FRMD6: variants seen among roughly 807,000 people sequenced by gnomAD.
FRMD6 encodes FERM domain containing 6.
Under a neutral mutation model 73.2 loss-of-function variants are expected in FRMD6, and 37 were observed. The observed-to-expected ratio is 0.51, with a 90% CI of 0.39 to 0.66. The LOEUF (loss-of-function observed/expected upper bound fraction) is 0.66. Ranked by LOEUF, FRMD6 falls within the 30% of genes least tolerant of loss-of-function variation. The pLI is 0.00. For missense variants in FRMD6, 714 were observed against 780.5 expected (o/e 0.91, Z 1.02); for synonymous variants, 273 against 282.2 (o/e 0.97, Z 0.33).
Position 51,688,444 on chromosome 14 carries a change from A to G in FRMD6, c.-146-1247A>G, listed in dbSNP as rs139135238. Among the ~76,000 whole-genome samples, 444 of 152,304 alleles carry G rather than the reference A, an allele frequency of 2.9e-3. 1 individual carries two copies. The highest frequency in any genetic ancestry group is 9.9e-3 in the African/African-American group (412 of 41,574). ...TATTTTCTAAATGTGCCAAGTATCT[A>G]AGAATATATTCTTTCCCCTCCTGCT... On this transcript the variant is annotated intron_variant, in intron 1 of 13. Coordinates refer to ENST00000344768, the MANE Select transcript of FRMD6 (RefSeq NM_001267046.2).
the FRMD6 span, among the ~76,000 whole-genome samples, chr14:51,467,010 C>T: frequency 2.0e-5 from 3 of 151,160 alleles, no homozygotes; most frequent in East Asian, 1.9e-4. Flanking sequence ...GGGTGTTTCT[C>T]GTAGAGGGGG....
intron 2 of FRMD6, among the ~76,000 whole-genome samples, chr14:51,588,927 A>G (rs1039264489): frequency 6.6e-6 from 1 of 152,164 alleles, no homozygotes; most frequent in African/African-American, 2.4e-5. Context: ...CATGTCACTG[A>G]GTGGTGACTG....
chr14:51,650,823 G>A (rs1188055296), upstream of FRMD6: 2 of 152,230 alleles, frequency 1.3e-5, no homozygotes. Flanking sequence ...TTAGCGAAGG[G>A]CTCAGTGAGG....
the FRMD6 span, among the ~76,000 whole-genome samples, chr14:51,476,727 A>C: frequency 6.6e-6 from 1 of 152,248 alleles, no homozygotes; most frequent in Admixed American, 6.5e-5. Context: ...CTTTTTCAGT[A>C]GACATATTTT....
the FRMD6 span, chr14:51,436,358 G>T: frequency 4.8e-6 from 2 of 420,578 alleles, no homozygotes. Context: ...TGTCTGCACT[G>T]CTTGGGGAGG....
chr14:51,527,782 G>C (rs915571035), intron 1 of FRMD6, among the ~76,000 whole-genome samples: 6 of 152,186 alleles, frequency 3.9e-5, no homozygotes, highest in African/African-American at 1.4e-4. Flanking sequence ...GTACCTTTAT[G>C]AGAGACAGAT....
At chr14:51,568,233 G>A (rs1434175414) in intron 1 of FRMD6, among the ~76,000 whole-genome samples, 1 of 152,242 alleles carries the variant, frequency 6.6e-6, no homozygotes, top group Non-Finnish European at 1.5e-5. Context: ...GCCAATTCTT[G>A]TCTGCAGGAA....
intron 2 of FRMD6, among the ~76,000 whole-genome samples, chr14:51,624,340 C>T (rs1248762461): frequency 6.6e-6 from 1 of 152,174 alleles, no homozygotes; most frequent in African/African-American, 2.4e-5. Flanking sequence ...AGAATTTTAT[C>T]TGAAACTTAC....
upstream of FRMD6, chr14:51,651,906 C>G (rs953940788): frequency 6.6e-6 from 1 of 151,998 alleles, no homozygotes; most frequent in Non-Finnish European, 1.5e-5. Context: ...GGCCAAGGGG[C>G]TGAGAGGAGT....
the FRMD6 span, among the ~76,000 whole-genome samples, chr14:51,444,537 T>G: frequency 6.6e-6 from 1 of 152,212 alleles, no homozygotes; most frequent in Non-Finnish European, 1.5e-5. Context: ...TTTAGTAAAA[T>G]TCCAGCCTAT....
At chr14:51,633,330 G>A (rs374754584) in intron 2 of FRMD6, among the ~76,000 whole-genome samples, 120 of 149,608 alleles carry the variant, frequency 8.0e-4, no homozygotes, top group African/African-American at 2.8e-3. Flanking sequence ...GGCTGGGTGC[G>A]GTAGCTCATG....
chr14:51,502,096 T>A (rs1398395228), intron 1 of FRMD6, among the ~76,000 whole-genome samples: 7 of 152,260 alleles, frequency 4.6e-5, no homozygotes, highest in Middle Eastern at 6.8e-3. Context: ...ACTTTAAGTT[T>A]CTTAAAATAG....
chr14:51,588,175 A>G (rs572242008), intron 2 of FRMD6, among the ~76,000 whole-genome samples: 1 of 152,254 alleles, frequency 6.6e-6, no homozygotes, highest in African/African-American at 2.4e-5. Context: ...TAATACAAAA[A>G]AGCATTTCCC....
intron 10 of FRMD6, among the ~76,000 whole-genome samples, chr14:51,719,803 A>G (rs1897431659): frequency 6.6e-6 from 1 of 152,226 alleles, no homozygotes; most frequent in Non-Finnish European, 1.5e-5. Flanking sequence ...ACTGCACTTT[A>G]AATACCACTC....
the FRMD6 span, among the ~76,000 whole-genome samples, chr14:51,402,422 A>G: frequency 1.3e-5 from 2 of 152,082 alleles, no homozygotes; most frequent in African/African-American, 4.8e-5. Context: ...TGCTGTTCTC[A>G]TGATAGTGAG....
chr14:51,429,635 G>C, the FRMD6 span, among the ~76,000 whole-genome samples: 1 of 152,132 alleles, frequency 6.6e-6, no homozygotes, highest in African/African-American at 2.4e-5. Context: ...AGTGTCGTGG[G>C]CTTTTAAAAG....
intron 2 of FRMD6, among the ~76,000 whole-genome samples, chr14:51,611,429 A>G (rs1047376554): frequency 1.1e-4 from 16 of 152,340 alleles, no homozygotes; most frequent in Admixed American, 2.6e-4. Context: ...TGCTTTAAAA[A>G]AGACTGATGC....
the FRMD6 span, among the ~76,000 whole-genome samples, chr14:51,473,668 C>T: frequency 2.6e-5 from 4 of 152,190 alleles, no homozygotes; most frequent in Non-Finnish European, 4.4e-5. Flanking sequence ...CTGGCTCTAT[C>T]TCAGGGAGTT....
chr14:51,470,766 A>G, the FRMD6 span, among the ~76,000 whole-genome samples: 1 of 152,312 alleles, frequency 6.6e-6, no homozygotes, highest in African/African-American at 2.4e-5. Flanking sequence ...TGACTTATGA[A>G]TTAAGATGGT....
Sources: allele counts gnomAD v4.1 joint callset (sites outside exome capture counted in the v4.1 genomes callset), GRCh38; gene constraint gnomAD v4.1.1; transcripts MANE v1.5; gene names NCBI Gene and HGNC (gene_info 2026-07-23, HGNC 2026-07-21).